SLC26A5: variants seen among roughly 807,000 people sequenced by gnomAD.
SLC26A5 encodes prestin.
In SLC26A5, 51 loss-of-function variants were observed where a neutral mutation model predicts 81.0. The ratio of observed to expected loss-of-function variants is 0.63; its 90% CI spans 0.50 to 0.80. The LOEUF is 0.80. Among genes scored for constraint, SLC26A5 ranks in the 30% least tolerant of loss-of-function variants. The probability of loss-of-function intolerance (pLI) is 0.00; values close to 1 mark genes in which losing one functional copy is unlikely to be tolerated. For missense variants in SLC26A5, 771 were observed against 905.8 expected, an observed-to-expected ratio of 0.85 and a Z score of 1.91; for synonymous variants, 325 against 332.8, an observed-to-expected ratio of 0.98 and a Z score of 0.25.
chr7:103,425,201 G>T (rs1204498468), intron 2 of SLC26A5, among the ~76,000 whole-genome samples: 2 of 152,110 alleles, frequency 1.3e-5, no homozygotes, highest in African/African-American at 4.8e-5. Context: ...ATTTCATTAA[G>T]CAGAGCAATT....
intron 9 of SLC26A5, among the ~76,000 whole-genome samples, chr7:103,397,039 G>A (rs1176600178): frequency 6.6e-6 from 1 of 151,030 alleles, no homozygotes; most frequent in Non-Finnish European, 1.5e-5. Flanking sequence ...AGGTTGCAGT[G>A]AGCCGAGATT....
intron 19 of SLC26A5, among the ~76,000 whole-genome samples, chr7:103,359,664 A>G (rs1820263174): frequency 6.6e-6 from 1 of 152,214 alleles, no homozygotes. Context: ...TGGCCAAATA[A>G]TATTCCAGTC....
At position 103,410,461 on chromosome 7, in the gene SLC26A5, T is replaced by C. The variant is rs890024187; in HGVS notation, c.659A>G (p.His220Arg). ...ATATTTTAACATGGAGGTGAAGACA[T>C]GCACAGCTGCTGCGGTGGTAAACCC... ...VRGFTTAAAV[H>R]VFTSMLKYLF... The change falls in exon 7 of 20, where the codon CAT (histidine) becomes CGT (arginine). Residue 220 changes from histidine to arginine, a missense_variant. Coordinates refer to ENST00000306312, the MANE Select transcript of SLC26A5 (RefSeq NM_198999.3). The C allele has an allele frequency of 6.8e-6, 11 of 1,614,036 alleles. No homozygotes were observed. Among genetic ancestry groups the C allele is most frequent in the East Asian group, 2.2e-5 (1 of 44,876 alleles).
At chr7:103,366,291 G>C in intron 19 of SLC26A5, 1 of 769,364 alleles carries the variant, frequency 1.3e-6, no homozygotes. Context: ...TGAAACAGTG[G>C]CGCCACAGAT....
At chr7:103,424,835 G>A (rs1346863574) in intron 2 of SLC26A5, among the ~76,000 whole-genome samples, 1 of 152,152 alleles carries the variant, frequency 6.6e-6, no homozygotes, top group African/African-American at 2.4e-5. Flanking sequence ...GGTCTGGGGA[G>A]GGCTTGAATT....
In SLC26A5 at chr7:103,419,542, A is replaced by AT. The variant is rs540867051; in HGVS notation, c.292+1195dup. On this transcript the variant is annotated intron_variant, in intron 4 of 19. Transcript: ENST00000306312. The stretch of plus-strand genomic sequence containing the variant: ...TCAAACCTCATTTCCTGGATCCACT[A>AT]TTTTTTTTTTTTTCCAATAGAGTCT... Among the ~76,000 whole-genome samples the AT allele has an allele frequency of 3.1e-3, 420 of 134,630 alleles. 1 individual carries two copies. The highest frequency in any genetic ancestry group is 0.013 in the South Asian group (55 of 4,284). 88.3% of individuals were successfully genotyped at this position (134,630 alleles called of 152,430 possible).
At chr7:103,405,840 A>G (rs915873930) in intron 8 of SLC26A5, among the ~76,000 whole-genome samples, 1 of 152,136 alleles carries the variant, frequency 6.6e-6, no homozygotes, top group Non-Finnish European at 1.5e-5. Flanking sequence ...TAAGCCCCTG[A>G]TTGTGGCTGC....
At chr7:103,358,023 A>C (rs1031889814) in intron 19 of SLC26A5, among the ~76,000 whole-genome samples, 1 of 151,998 alleles carries the variant, frequency 6.6e-6, no homozygotes, top group African/African-American at 2.4e-5. Flanking sequence ...TACCCTGGAG[A>C]TTGCCCTTTA....
intron 2 of SLC26A5, among the ~76,000 whole-genome samples, chr7:103,425,431 G>C (rs2116756429): frequency 6.6e-6 from 1 of 152,252 alleles, no homozygotes; most frequent in Non-Finnish European, 1.5e-5. Flanking sequence ...TGATTTTAAC[G>C]AGCAGTTCAA....
chr7:103,430,369 G>A (rs1337030409), intron 2 of SLC26A5, among the ~76,000 whole-genome samples: 4 of 152,170 alleles, frequency 2.6e-5, no homozygotes, highest in South Asian at 2.1e-4. Context: ...GTGAGCCAAC[G>A]CGCCCAGCCA....
At chr7:103,370,254 A>G (rs1478276133), downstream of SLC26A5, among the ~76,000 whole-genome samples, 2 of 152,182 alleles carry the variant, frequency 1.3e-5, no homozygotes, top group Middle Eastern at 3.2e-3. Flanking sequence ...TAAAGCATAC[A>G]GGCTCACACC....
intron 2 of SLC26A5, among the ~76,000 whole-genome samples, chr7:103,431,086 C>T (rs1328836883): frequency 6.6e-6 from 1 of 152,172 alleles, no homozygotes; most frequent in Non-Finnish European, 1.5e-5. Flanking sequence ...AGGTAAAAAG[C>T]TCAGTAATTC....
downstream of SLC26A5, among the ~76,000 whole-genome samples, chr7:103,370,122 T>C (rs1820945769): frequency 2.0e-5 from 3 of 152,340 alleles, no homozygotes; most frequent in South Asian, 6.2e-4. Context: ...AGTAATACTT[T>C]TATAGTTCTC....
intron 2 of SLC26A5, among the ~76,000 whole-genome samples, chr7:103,433,147 T>C (rs1054004380): frequency 6.6e-6 from 1 of 152,180 alleles, no homozygotes; most frequent in African/African-American, 2.4e-5. Context: ...TCCATGGTCC[T>C]GGTCTCCTGT....
At chr7:103,402,154 C>T (rs1430520911) in intron 8 of SLC26A5, among the ~76,000 whole-genome samples, 2 of 152,092 alleles carry the variant, frequency 1.3e-5, no homozygotes, top group East Asian at 3.9e-4. Context: ...TCTCTTTGTA[C>T]CTCTGGTAGA....
intron 7 of SLC26A5, among the ~76,000 whole-genome samples, chr7:103,409,023 C>T (rs1309443647): frequency 6.6e-6 from 1 of 152,168 alleles, no homozygotes; most frequent in Non-Finnish European, 1.5e-5. Context: ...AGAGAATATT[C>T]CTAAAGCCTG....
intron 14 of SLC26A5, among the ~76,000 whole-genome samples, chr7:103,386,076 C>G (rs1822170032): frequency 6.6e-6 from 1 of 151,722 alleles, no homozygotes; most frequent in African/African-American, 2.4e-5. Flanking sequence ...TACAGGTGTG[C>G]ACCACCACAC....
At chr7:103,354,779 A>G in intron 19 of SLC26A5, 1 of 820,778 alleles carries the variant, frequency 1.2e-6, no homozygotes, top group Non-Finnish European at 2.0e-6. Flanking sequence ...ATAGCTATTG[A>G]AATTGTAACT....
At chr7:103,369,340 T>C (rs919808789), downstream of SLC26A5, 1 of 152,222 alleles carries the variant, frequency 6.6e-6, no homozygotes, top group African/African-American at 2.4e-5. Flanking sequence ...AGAAAATGAC[T>C]GAAGATGTAT....
Sources: gnomAD v4.1 joint callset for allele counts (sites outside exome capture counted in the v4.1 genomes callset) on GRCh38, gnomAD v4.1.1 for gene constraint, MANE v1.5 for transcripts, NCBI Gene and HGNC (gene_info 2026-07-23, HGNC 2026-07-21) for gene names.